Variants in DCAF8L2 observed in about 807,000 individuals in gnomAD.
The protein encoded by DCAF8L2 is DDB1 and CUL4 associated factor 8 like 2, also known as DDB1- and CUL4-associated factor 8-like protein 2.
For missense variants in DCAF8L2, 430 were observed against 490.7 expected (o/e 0.88, Z 1.17); for synonymous variants, 200 against 190.9 (o/e 1.05, Z -0.39).
At chrX:27,494,551 G>C in the DCAF8L2 span, among the ~76,000 whole-genome samples, 1 of 112,542 alleles carries the variant, frequency 8.9e-6, no homozygotes, top group Non-Finnish European at 1.9e-5. Context: ...CCACCAGAAA[G>C]ATATGAGAGT....
the DCAF8L2 span, among the ~76,000 whole-genome samples, chrX:27,486,031 A>T: frequency 1.0e-5 from 1 of 100,303 alleles, no homozygotes; most frequent in African/African-American, 3.7e-5. Context: ...TTTGAGACAG[A>T]GTCTCACTCT....
the DCAF8L2 span, among the ~76,000 whole-genome samples, chrX:27,472,620 C>T: frequency 6.5e-3 from 722 of 111,409 alleles, 2 homozygotes; most frequent in African/African-American, 0.022. Context: ...TCAGCTTCCA[C>T]TTATGAGTGA....
chrX:27,698,749 C>A (rs770841620), intron 3 of DCAF8L2, among the ~76,000 whole-genome samples: 1 of 111,953 alleles, frequency 8.9e-6, no homozygotes, highest in African/African-American at 3.2e-5. Flanking sequence ...TGACTTCTTT[C>A]TGCTTTATGT....
the DCAF8L2 span, among the ~76,000 whole-genome samples, chrX:27,477,519 C>A: frequency 9.0e-6 from 1 of 111,493 alleles, no homozygotes; most frequent in Non-Finnish European, 1.9e-5. Flanking sequence ...GATCTCCTGA[C>A]CTCGTCATCC....
At chrX:27,514,267 ATGTGCACATATGTACATATGTGTGTGCAT>A in the DCAF8L2 span, among the ~76,000 whole-genome samples, 1 of 36,756 alleles carries the variant, frequency 2.7e-5, no homozygotes, top group Admixed American at 4.3e-4. Context: ...ATGTGTGCAT[ATGTGCACATATGTACATATGTGTGTGCAT>A]ATGTGCACAT....
At chrX:27,692,259 G>A (rs1433025425) in intron 3 of DCAF8L2, among the ~76,000 whole-genome samples, 8 of 111,489 alleles carry the variant, frequency 7.2e-5, no homozygotes, top group Non-Finnish European at 1.5e-4. Context: ...TGTACTTACA[G>A]TTAAATATTA....
chrX:27,692,983 G>T (rs1930765738), intron 3 of DCAF8L2, among the ~76,000 whole-genome samples: 1 of 111,538 alleles, frequency 9.0e-6, no homozygotes, highest in Non-Finnish European at 1.9e-5. Context: ...AAAAGAAAGA[G>T]ACTTCGATAT....
the DCAF8L2 span, among the ~76,000 whole-genome samples, chrX:27,474,293 A>T: frequency 8.9e-6 from 1 of 112,545 alleles, no homozygotes; most frequent in African/African-American, 3.2e-5. Context: ...AAAGATAAAT[A>T]CAGATATAGT....
the DCAF8L2 span, among the ~76,000 whole-genome samples, chrX:27,551,034 A>G: frequency 1.8e-5 from 2 of 109,805 alleles, no homozygotes; most frequent in African/African-American, 3.3e-5. Context: ...GGTGCCACAA[A>G]CCACACCCAT....
the DCAF8L2 span, among the ~76,000 whole-genome samples, chrX:27,573,256 A>ACT: frequency 1.4e-5 from 1 of 69,429 alleles, no homozygotes; most frequent in Non-Finnish European, 2.6e-5. Context: ...TCTCTCTCTC[A>ACT]CACACACACA....
intron 1 of DCAF8L2, among the ~76,000 whole-genome samples, chrX:27,605,671 A>G (rs1926834455): frequency 8.9e-6 from 1 of 111,842 alleles, no homozygotes; most frequent in South Asian, 3.7e-4. Flanking sequence ...GTTCTAGTGG[A>G]CTAGGTTTTT....
the DCAF8L2 span, among the ~76,000 whole-genome samples, chrX:27,471,105 A>C: frequency 8.9e-6 from 1 of 111,755 alleles, no homozygotes; most frequent in Non-Finnish European, 1.9e-5. Flanking sequence ...TACCAGAAAT[A>C]ATTTTCAGTT....
At chrX:27,697,608 T>A (rs1291967424) in intron 3 of DCAF8L2, among the ~76,000 whole-genome samples, 3 of 111,625 alleles carry the variant, frequency 2.7e-5, no homozygotes, top group Non-Finnish European at 5.6e-5. Flanking sequence ...TTCTACTCTT[T>A]TTATTTTTTT....
rs919625270 is a variant in DCAF8L2, at chrX:27,670,304, A to G, written c.-219-7532A>G. ...ACTTACAGCTGAACTCAATTATGCT[A>G]AAGTCCTGCTTATTGACTGGACTAT... On this transcript the variant is annotated intron_variant, in intron 2 of 4. Transcript: ENST00000451261. Among the ~76,000 whole-genome samples the G allele has an allele frequency of 4.8e-4, 53 of 111,432 alleles. 1 individual carries two copies. Among genetic ancestry groups the G allele is most frequent in the Admixed American group, 3.6e-3 (38 of 10,425 alleles).
the DCAF8L2 span, chrX:27,518,948 C>T: frequency 1.7e-6 from 1 of 587,325 alleles, no homozygotes; most frequent in South Asian, 2.4e-5. Context: ...AAAAAGGCAC[C>T]TGATTTTGTT....
the DCAF8L2 span, among the ~76,000 whole-genome samples, chrX:27,575,436 G>T: frequency 9.0e-6 from 1 of 111,050 alleles, no homozygotes; most frequent in Admixed American, 9.6e-5. Flanking sequence ...ACCTAGGTCA[G>T]TGGAGGTGGA....
upstream of DCAF8L2, among the ~76,000 whole-genome samples, chrX:27,588,174 C>T (rs1206997444): frequency 1.8e-5 from 2 of 108,383 alleles, no homozygotes; most frequent in African/African-American, 3.4e-5. Flanking sequence ...CCTCGGTCCC[C>T]AGTATCTATT....
At chrX:27,668,541 A>G (rs187592733) in intron 2 of DCAF8L2, among the ~76,000 whole-genome samples, 92 of 112,027 alleles carry the variant, frequency 8.2e-4, no homozygotes, top group Non-Finnish European at 8.3e-4. Flanking sequence ...TCTCAACCAG[A>G]GGAAAAAGGG....
At chrX:27,495,994 A>G in the DCAF8L2 span, among the ~76,000 whole-genome samples, 2 of 111,480 alleles carry the variant, frequency 1.8e-5, no homozygotes, top group Non-Finnish European at 3.8e-5. Flanking sequence ...TTGAATTTGT[A>G]CATCTAGTTG....
Sources: gnomAD v4.1 joint callset for allele counts (sites outside exome capture counted in the v4.1 genomes callset) on GRCh38, gnomAD v4.1.1 for gene constraint, MANE v1.5 for transcripts, NCBI Gene and HGNC (gene_info 2026-07-23, HGNC 2026-07-21) for gene names.